COBLL1: variants seen among roughly 807,000 people sequenced by gnomAD.
COBLL1 encodes the protein cordon-bleu WH2 repeat protein like 1.
Under a neutral mutation model 94.8 loss-of-function variants are expected in COBLL1, and 50 were observed. The observed-to-expected ratio is 0.53, with a 90% confidence interval of 0.42 to 0.67. COBLL1 has a LOEUF of 0.67. COBLL1 is among the 30% of genes least tolerant of loss of function. The probability of loss-of-function intolerance (pLI) is 0.00; values close to 1 mark genes in which losing one functional copy is unlikely to be tolerated. For synonymous variants in COBLL1, 448 were observed against 473.8 expected (o/e 0.95, Z 0.71); for missense variants, 1,362 against 1,348.7 (o/e 1.01, Z -0.15).
chr2:164,759,593 T>A (rs1367774905), intron 2 of COBLL1, among the ~76,000 whole-genome samples: 2 of 152,110 alleles, frequency 1.3e-5, no homozygotes, highest in Admixed American at 6.6e-5. Context: ...AAAACTTCTG[T>A]TCTGTGAAAG....
chr2:164,704,169 C>A (rs983492790), intron 9 of COBLL1, among the ~76,000 whole-genome samples: 4 of 151,992 alleles, frequency 2.6e-5, no homozygotes, highest in Non-Finnish European at 5.9e-5. Context: ...AAATGTTAAC[C>A]TGATACTGCA....
rs1003096259 is a variant in COBLL1, at chr2:164,730,184, A to G, written c.231-69T>C. The stretch of plus-strand genomic sequence containing the variant: ...TTTTCTTAGAATGCTTGTCTTCAAT[A>G]GATAAACAAGTCTACAAGATAGTTT... On this transcript the variant is annotated intron_variant, in intron 3 of 13. Coordinates refer to ENST00000652658, the MANE Select transcript of COBLL1 (RefSeq NM_001365672.2). The G allele has an allele frequency of 5.4e-6, 7 of 1,292,364 alleles. No homozygotes were observed. In the African/African-American group the frequency reaches 8.9e-5, roughly 16 times the overall value. The allele number at this position is 1,292,364 out of a possible 1,614,324, so 80.1% of individuals were successfully genotyped here.
intron 2 of COBLL1, among the ~76,000 whole-genome samples, chr2:164,815,162 G>A (rs1361823576): frequency 6.6e-6 from 1 of 152,098 alleles, no homozygotes. Flanking sequence ...CATTCTGGGA[G>A]GCCGAGGTGG....
intron 2 of COBLL1, among the ~76,000 whole-genome samples, chr2:164,780,251 C>T (rs941159857): frequency 5.3e-5 from 8 of 152,128 alleles, no homozygotes; most frequent in African/African-American, 1.2e-4. Flanking sequence ...AAGTTCTCAG[C>T]ACAGTGCCAC....
chr2:164,829,697 G>A (rs1033594025), intron 2 of COBLL1, among the ~76,000 whole-genome samples: 1 of 152,014 alleles, frequency 6.6e-6, no homozygotes, highest in Non-Finnish European at 1.5e-5. Context: ...TATATGAACA[G>A]GGGGTATTAC....
intron 2 of COBLL1, among the ~76,000 whole-genome samples, chr2:164,762,177 A>C (rs1338481464): frequency 6.6e-6 from 1 of 152,232 alleles, no homozygotes; most frequent in Non-Finnish European, 1.5e-5. Context: ...GCCTCAAGTG[A>C]ATCCATAATT....
At chr2:164,787,415 C>T (rs1010304273) in intron 2 of COBLL1, among the ~76,000 whole-genome samples, 2 of 152,146 alleles carry the variant, frequency 1.3e-5, no homozygotes, top group Non-Finnish European at 2.9e-5. Context: ...TAAATGTCCT[C>T]ATCACAGACA....
intron 2 of COBLL1, among the ~76,000 whole-genome samples, chr2:164,757,239 C>G (rs1687455161): frequency 6.6e-6 from 1 of 152,128 alleles, no homozygotes; most frequent in Non-Finnish European, 1.5e-5. Flanking sequence ...CTAATACACA[C>G]ATAAAGGCTT....
At chr2:164,805,364 A>ATATATAT (rs1253271541) in intron 2 of COBLL1, among the ~76,000 whole-genome samples, 1 of 41,064 alleles carries the variant, frequency 2.4e-5, no homozygotes, top group African/African-American at 1.1e-4. Flanking sequence ...TATATATATA[A>ATATATAT]AACTAAAGTT....
intron 3 of COBLL1, among the ~76,000 whole-genome samples, chr2:164,730,446 C>T (rs1378683604): frequency 1.3e-5 from 2 of 151,532 alleles, no homozygotes; most frequent in East Asian, 1.9e-4. Flanking sequence ...TGCAATGAGC[C>T]GAGATCGCGC....
At chr2:164,834,885 A>G (rs534671048) in intron 2 of COBLL1, among the ~76,000 whole-genome samples, 1 of 152,318 alleles carries the variant, frequency 6.6e-6, no homozygotes, top group South Asian at 2.1e-4. Flanking sequence ...GGCCAATGAA[A>G]AGGTATTCAA....
intron 2 of COBLL1, among the ~76,000 whole-genome samples, chr2:164,762,182 A>G (rs1254659608): frequency 6.6e-6 from 1 of 152,226 alleles, no homozygotes; most frequent in East Asian, 1.9e-4. Context: ...AAGTGAATCC[A>G]TAATTATAGG....
intron 7 of COBLL1, among the ~76,000 whole-genome samples, chr2:164,716,064 A>G (rs1685155504): frequency 6.6e-6 from 1 of 152,164 alleles, no homozygotes; most frequent in South Asian, 2.1e-4. Context: ...TATGAGGCTA[A>G]TTTGTCAATA....
chr2:164,797,354 A>G (rs1449462384), intron 2 of COBLL1, among the ~76,000 whole-genome samples: 3 of 152,198 alleles, frequency 2.0e-5, no homozygotes, highest in African/African-American at 7.2e-5. Flanking sequence ...ACTATTGTAT[A>G]ATGATGGCAC....
intron 7 of COBLL1, among the ~76,000 whole-genome samples, chr2:164,708,176 C>T (rs1684703648): frequency 1.3e-5 from 2 of 152,130 alleles, no homozygotes; most frequent in Admixed American, 1.3e-4. Context: ...TTCTCTCCTA[C>T]TAGTTGGTAA....
intron 2 of COBLL1, among the ~76,000 whole-genome samples, chr2:164,787,343 A>T (rs1480568473): frequency 6.6e-6 from 1 of 152,232 alleles, no homozygotes; most frequent in African/African-American, 2.4e-5. Flanking sequence ...AATACAAGTT[A>T]TGCAGATCTA....
At chr2:164,660,249 A>T (rs1211646328) in intron 2 of COBLL1, among the ~76,000 whole-genome samples, 1 of 152,170 alleles carries the variant, frequency 6.6e-6, no homozygotes, top group Admixed American at 6.5e-5. Flanking sequence ...TATTGCATTG[A>T]TTTGGAAATT....
intron 2 of COBLL1, among the ~76,000 whole-genome samples, chr2:164,822,269 C>G (rs563022456): frequency 1.3e-5 from 2 of 152,274 alleles, no homozygotes; most frequent in East Asian, 1.9e-4. Flanking sequence ...CATAATAAGT[C>G]ACACGTTTAA....
At chr2:164,700,195 T>A (rs1684175139) in intron 10 of COBLL1, among the ~76,000 whole-genome samples, 1 of 152,050 alleles carries the variant, frequency 6.6e-6, no homozygotes, top group African/African-American at 2.4e-5. Flanking sequence ...TTGGTAAAAA[T>A]TGAAAATTAA....
Sources: gnomAD v4.1 joint callset for allele counts (sites outside exome capture counted in the v4.1 genomes callset) on GRCh38, gnomAD v4.1.1 for gene constraint, MANE v1.5 for transcripts, NCBI Gene and HGNC (gene_info 2026-07-23, HGNC 2026-07-21) for gene names.